Variants in FSTL4 observed in about 807,000 individuals in gnomAD.
The protein encoded by FSTL4 is follistatin like 4.
In FSTL4, 28 loss-of-function variants were observed where a neutral mutation model predicts 78.2. The ratio of observed to expected loss-of-function variants is 0.36; its 90% CI spans 0.27 to 0.49. FSTL4 has a LOEUF of 0.49. FSTL4 is among the 20% of genes least tolerant of loss of function. The pLI is 0.98. For missense variants in FSTL4, 922 were observed against 1,084.9 expected (o/e 0.85, Z 2.11); for synonymous variants, 422 against 440.5 (o/e 0.96, Z 0.53).
At chr5:133,619,282 G>A in the FSTL4 span, among the ~76,000 whole-genome samples, 2 of 152,242 alleles carry the variant, frequency 1.3e-5, no homozygotes, top group South Asian at 4.2e-4. Context: ...GAGGATGGTG[G>A]AACAGGGAGA....
the FSTL4 span, among the ~76,000 whole-genome samples, chr5:133,697,025 A>G: frequency 1.3e-5 from 2 of 152,196 alleles, no homozygotes; most frequent in Admixed American, 6.5e-5. Context: ...TGCCCGAAAC[A>G]CAGGGCGATT....
intron 3 of FSTL4, among the ~76,000 whole-genome samples, chr5:133,501,251 T>C (rs1378481693): frequency 1.4e-5 from 2 of 147,620 alleles, no homozygotes; most frequent in Non-Finnish European, 3.0e-5. Flanking sequence ...CAATTTGTTA[T>C]ATGCCTTACA....
intron 3 of FSTL4, among the ~76,000 whole-genome samples, chr5:133,501,459 A>G (rs1373464595): frequency 6.6e-6 from 1 of 152,160 alleles, no homozygotes; most frequent in East Asian, 1.9e-4. Context: ...TCCATGAGAA[A>G]GTCCTGTTTG....
chr5:133,302,720 T>G (rs1465426106), intron 6 of FSTL4, among the ~76,000 whole-genome samples: 1 of 152,208 alleles, frequency 6.6e-6, no homozygotes, highest in Non-Finnish European at 1.5e-5. Flanking sequence ...CACAGACCAC[T>G]GTGTGGAACC....
intron 3 of FSTL4, among the ~76,000 whole-genome samples, chr5:133,418,815 T>G (rs1007153676): frequency 2.0e-5 from 3 of 152,244 alleles, no homozygotes; most frequent in Non-Finnish European, 4.4e-5. Flanking sequence ...TCGACATATA[T>G]GTACACCCAT....
At chr5:133,613,393 G>A (rs256240), upstream of FSTL4, among the ~76,000 whole-genome samples, 104,686 of 152,152 alleles carry the variant, frequency 0.69, 36,276 homozygotes, top group East Asian at 0.89. Context: ...TGGGCACCAG[G>A]GGCCTTCCTG....
chr5:133,332,059 T>C (rs1754361570), intron 4 of FSTL4, among the ~76,000 whole-genome samples: 1 of 152,148 alleles, frequency 6.6e-6, no homozygotes, highest in Non-Finnish European at 1.5e-5. Flanking sequence ...GGCCTGGCAG[T>C]GTGAGAAGCC....
chr5:133,560,594 A>G (rs143789531), intron 3 of FSTL4, among the ~76,000 whole-genome samples: 1,636 of 151,926 alleles, frequency 0.011, 24 homozygotes, highest in African/African-American at 0.036. Context: ...TTGAACTCCT[A>G]ACCTTGCAAT....
intron 4 of FSTL4, among the ~76,000 whole-genome samples, chr5:133,366,406 A>T (rs1432106207): frequency 1.3e-5 from 2 of 152,112 alleles, no homozygotes; most frequent in Admixed American, 6.5e-5. Flanking sequence ...TTCAAATGTG[A>T]GCAGCTTGAG....
At chr5:133,207,244 G>A (rs1176260167) in intron 14 of FSTL4, among the ~76,000 whole-genome samples, 1 of 151,922 alleles carries the variant, frequency 6.6e-6, no homozygotes, top group East Asian at 1.9e-4. Flanking sequence ...AATCACTCTT[G>A]TTTTACGTAT....
the FSTL4 span, among the ~76,000 whole-genome samples, chr5:133,747,731 T>C: frequency 5.9e-5 from 9 of 152,202 alleles, no homozygotes; most frequent in Non-Finnish European, 1.0e-4. Context: ...CTGGGAAACT[T>C]CTCTGTGTCC....
the FSTL4 span, among the ~76,000 whole-genome samples, chr5:133,760,531 TC>T: frequency 6.6e-6 from 1 of 152,198 alleles, no homozygotes; most frequent in Non-Finnish European, 1.5e-5. Context: ...CAGGGCGATC[TC>T]CATTTAAGGG....
At chr5:133,726,690 A>T in the FSTL4 span, among the ~76,000 whole-genome samples, 7 of 152,304 alleles carry the variant, frequency 4.6e-5, no homozygotes, top group African/African-American at 1.4e-4. Context: ...GTGGCTTCAA[A>T]TACAGCCCCT....
chr5:133,423,833 G>A (rs1332574986), intron 3 of FSTL4, among the ~76,000 whole-genome samples: 2 of 152,220 alleles, frequency 1.3e-5, no homozygotes. Context: ...ATACATAACT[G>A]AGTATAACTT....
intron 4 of FSTL4, among the ~76,000 whole-genome samples, chr5:133,322,155 C>T (rs1256028428): frequency 6.6e-6 from 1 of 151,806 alleles, no homozygotes; most frequent in Non-Finnish European, 1.5e-5. Flanking sequence ...TCATGCTGCC[C>T]CACCCCCTTC....
chr5:133,515,903 A>T (rs1758842740), intron 3 of FSTL4, among the ~76,000 whole-genome samples: 1 of 152,188 alleles, frequency 6.6e-6, no homozygotes, highest in Non-Finnish European at 1.5e-5. Flanking sequence ...GAGTTTCTTA[A>T]CTCATTTTCA....
At chr5:133,802,576 C>T in the FSTL4 span, among the ~76,000 whole-genome samples, 6 of 152,218 alleles carry the variant, frequency 3.9e-5, no homozygotes, top group Non-Finnish European at 8.8e-5. Context: ...GCTGGACTCC[C>T]AGCTACACAC....
intron 7 of FSTL4, chr5:133,243,884 C>A (rs890303278): frequency 2.0e-5 from 3 of 152,256 alleles, no homozygotes; most frequent in Admixed American, 2.0e-4. Flanking sequence ...GTGAGGAAGA[C>A]AGTTATGAGA....
rs1761063266 is a variant in FSTL4 at position 133,610,260 on chromosome 5, T to C, written c.-11+2065A>G. Among the ~76,000 whole-genome samples, 3 of 152,166 alleles carry C rather than the reference T, an allele frequency of 2.0e-5. No homozygotes were observed. The South Asian group carries it at 6.2e-4, about 32-fold the overall frequency. On this transcript the variant is annotated intron_variant, in intron 1 of 15. Transcript: ENST00000265342. ...TCTCCTAATACCCAGAAAAACAAGC[T>C]GGCCTTTTCCAGAAGAAAAAGAGCT...
Sources: gnomAD v4.1 joint callset for allele counts (sites outside exome capture counted in the v4.1 genomes callset) on GRCh38, gnomAD v4.1.1 for gene constraint, MANE v1.5 for transcripts, NCBI Gene and HGNC (gene_info 2026-07-23, HGNC 2026-07-21) for gene names.